The following LRRIQ1 variants were observed in gnomAD, a reference collection of about 807,000 sequenced individuals.
LRRIQ1 encodes leucine-rich repeat- and IQ domain-containing protein 1.
LRRIQ1 carries 210 observed loss-of-function variants against 211.9 expected under a neutral mutation model. That is an observed-to-expected ratio of 0.99 (90% CI 0.89 to 1.11). The LOEUF is 1.11. Among genes scored for constraint, LRRIQ1 ranks in the 50% most tolerant of loss-of-function variants. The probability of loss-of-function intolerance (pLI) is 0.00; values close to 1 mark genes in which losing one functional copy is unlikely to be tolerated. For missense variants in LRRIQ1, 2,136 were observed against 1,939.5 expected, an observed-to-expected ratio of 1.10 and a Z score of -1.90; for synonymous variants, 699 against 650.1, an observed-to-expected ratio of 1.08 and a Z score of -1.14.
chr12:85,152,117 A>G (rs1258377927), intron 19 of LRRIQ1, among the ~76,000 whole-genome samples, 163 bp from the exon 20 acceptor site: 3 of 151,796 alleles, frequency 2.0e-5, no homozygotes, highest in African/African-American at 7.2e-5. Context: ...GCATGTTTTC[A>G]TTAAACAGAT....
At chr12:85,038,886 C>G (rs562603791) in intron 2 of LRRIQ1, among the ~76,000 whole-genome samples, 1 of 151,354 alleles carries the variant, frequency 6.6e-6, no homozygotes, top group East Asian at 1.9e-4. Flanking sequence ...GCTGTCTGTT[C>G]TTTTCCATTA....
chr12:85,046,550 A>G (rs760036054), intron 5 of LRRIQ1, among the ~76,000 whole-genome samples: 2 of 152,178 alleles, frequency 1.3e-5, no homozygotes, highest in Non-Finnish European at 2.9e-5. Context: ...TTATTGTTGC[A>G]TATTCTCGCT....
rs552840324 is a variant in LRRIQ1, at chr12:85,192,875, TA to T, written c.4822+32162del. ...AATATATATAGTTATATATTATAAT[TA>T]TACATAAATATATAGTTATATACTA... On this transcript the variant is annotated intron_variant, in intron 24 of 26. Coordinates refer to ENST00000393217, the MANE Select transcript of LRRIQ1 (RefSeq NM_001079910.2). Among the ~76,000 whole-genome samples the T allele has an allele frequency of 2.6e-3, 261 of 99,210 alleles. 5 individuals are homozygous for T. The highest frequency in any genetic ancestry group is 0.011 in the African/African-American group (255 of 23,652). 65.1% of individuals were successfully genotyped at this position (99,210 alleles called of 152,430 possible).
At chr12:85,052,277 C>A (rs1414298322) in intron 7 of LRRIQ1, 26 bp downstream of exon 7, 1 of 1,176,444 alleles carries the variant, frequency 8.5e-7, no homozygotes, top group Non-Finnish European at 1.2e-6. Context: ...TTTTATTTAG[C>A]ACATTAAGCT....
At chr12:85,168,803 A>G (rs1891274703) in intron 24 of LRRIQ1, among the ~76,000 whole-genome samples, 2 of 152,162 alleles carry the variant, frequency 1.3e-5, no homozygotes, top group South Asian at 2.1e-4. Context: ...CATTCTATCA[A>G]TGCAGCTGCT....
At position 85,043,769 on chromosome 12, in the gene LRRIQ1, T is replaced by C. The variant is rs770151088; in HGVS notation, c.245-949T>C. Among the ~76,000 whole-genome samples the C allele has an allele frequency of 4.6e-5, 7 of 151,900 alleles. No homozygotes were observed. The East Asian group carries it at 1.4e-3, about 29-fold the overall frequency. On this transcript the variant is annotated intron_variant, in intron 3 of 26. Coordinates refer to ENST00000393217, the MANE Select transcript of LRRIQ1 (RefSeq NM_001079910.2). ...AAACCCCACACATATATCATAAAAC[T>C]GGGCTGCATCAGAAGCTGCTGTCTG...
chr12:85,084,106 G>T (rs1035462735), intron 11 of LRRIQ1, among the ~76,000 whole-genome samples: 1 of 151,982 alleles, frequency 6.6e-6, no homozygotes, highest in Non-Finnish European at 1.5e-5. Flanking sequence ...TTTCATATTT[G>T]TAAAAATGTA....
chr12:85,232,847 G>A, intron 26 of LRRIQ1, 91 bp downstream of exon 26: 1 of 851,464 alleles, frequency 1.2e-6, no homozygotes. Flanking sequence ...ATTAAACTAT[G>A]AAAATATCAC....
intron 5 of LRRIQ1, 131 bp from the exon 6 acceptor site, chr12:85,047,116 C>T (rs544043386): frequency 2.4e-5 from 14 of 586,198 alleles, no homozygotes; most frequent in South Asian, 1.0e-4. Context: ...CAAACCTGCA[C>T]GTTGTGCACA....
chr12:85,247,733 T>C (rs1220452094), downstream of LRRIQ1, among the ~76,000 whole-genome samples: 1 of 151,662 alleles, frequency 6.6e-6, no homozygotes, highest in Non-Finnish European at 1.5e-5. Context: ...TGTTTGGTAA[T>C]TCTCTTGAGT....
At chr12:85,097,045 G>A (rs1565828629) in intron 11 of LRRIQ1, among the ~76,000 whole-genome samples, 2 of 152,154 alleles carry the variant, frequency 1.3e-5, no homozygotes, top group African/African-American at 4.8e-5. Flanking sequence ...GAGCCTATAT[G>A]TTTTGTTAAA....
chr12:85,257,118 C>T (rs536752679), intron 1 of LRRIQ1, among the ~76,000 whole-genome samples: 378 of 20,994 alleles, frequency 0.018, 2 homozygotes, highest in African/African-American at 0.056. Context: ...TATATAATTA[C>T]ATAATATATA....
intron 19 of LRRIQ1, among the ~76,000 whole-genome samples, chr12:85,140,213 A>G (rs1321660488): frequency 6.6e-6 from 1 of 151,312 alleles, no homozygotes; most frequent in African/African-American, 2.4e-5. Flanking sequence ...AGTTTTCCAC[A>G]ACAAACCTCA....
chr12:85,203,327 G>A (rs140837161), intron 24 of LRRIQ1, among the ~76,000 whole-genome samples: 37 of 152,250 alleles, frequency 2.4e-4, no homozygotes, highest in African/African-American at 7.5e-4. Flanking sequence ...CCATTCTTGG[G>A]TATGTCTTTA....
chr12:85,243,073 C>G (rs1895536324), intron 26 of LRRIQ1, among the ~76,000 whole-genome samples: 1 of 151,228 alleles, frequency 6.6e-6, no homozygotes. Flanking sequence ...AATATTAAGG[C>G]TTATAATCTT....
intron 19 of LRRIQ1, among the ~76,000 whole-genome samples, chr12:85,150,751 C>T (rs1890187388): frequency 1.3e-5 from 2 of 148,534 alleles, no homozygotes; most frequent in Admixed American, 1.4e-4. Context: ...AGAGCTTTGT[C>T]TCTCTCTGCC....
At chr12:85,080,461 G>T (rs1296940014) in intron 11 of LRRIQ1, among the ~76,000 whole-genome samples, 4 of 151,234 alleles carry the variant, frequency 2.6e-5, no homozygotes. Flanking sequence ...TGAGATGTAT[G>T]TCCTATACTT....
chr12:85,176,511 A>G (rs1456539101), intron 24 of LRRIQ1, among the ~76,000 whole-genome samples: 21 of 147,380 alleles, frequency 1.4e-4, no homozygotes, highest in Non-Finnish European at 3.0e-5. Context: ...CAAACACCAC[A>G]TATTCTCACT....
At chr12:85,189,963 T>C (rs2136931265) in intron 24 of LRRIQ1, among the ~76,000 whole-genome samples, 1 of 141,174 alleles carries the variant, frequency 7.1e-6, no homozygotes, top group East Asian at 2.0e-4. Context: ...TATTAATATG[T>C]AACATATAGT....
Sources: gnomAD v4.1 joint callset for allele counts (sites outside exome capture counted in the v4.1 genomes callset) on GRCh38, gnomAD v4.1.1 for gene constraint, MANE v1.5 for transcripts, NCBI Gene and HGNC (gene_info 2026-07-23, HGNC 2026-07-21) for gene names.